TSNARE1: variants seen among roughly 807,000 people sequenced by gnomAD.
TSNARE1 encodes t-SNARE domain-containing protein 1.
A neutral mutation model predicts 62.0 loss-of-function variants in TSNARE1; 49 were observed. The observed-to-expected ratio is 0.79, with a 90% CI of 0.63 to 1.00. TSNARE1 has a LOEUF of 1.00. Ranked by LOEUF, TSNARE1 falls within the 50% of genes least tolerant of loss-of-function variation. The pLI, the probability that TSNARE1 is intolerant of heterozygous loss-of-function variation, is 0.00. For synonymous variants in TSNARE1, 328 were observed against 294.4 expected, an observed-to-expected ratio of 1.11 and a Z score of -1.17; for missense variants, 755 against 700.1, an observed-to-expected ratio of 1.08 and a Z score of -0.88.
intron 13 of TSNARE1, among the ~76,000 whole-genome samples, chr8:142,223,171 CAAGT>C (rs1399118462): frequency 3.0e-5 from 1 of 33,550 alleles, no homozygotes; most frequent in Non-Finnish European, 8.2e-5. Flanking sequence ...CTCACTCACT[CAAGT>C]ATTCACTCAT....
chr8:142,345,608 G>A, intron 3 of TSNARE1, 135 bp downstream of exon 3: 1 of 1,064,222 alleles, frequency 9.4e-7, no homozygotes, highest in Non-Finnish European at 1.3e-6. Context: ...GCAGGGGGCA[G>A]GGGATGCAGG....
rs1435524017 is a variant in TSNARE1 at position 142,400,999 on chromosome 8, T to C, written c.-40+2105A>G. ...ACCTGCAGACACTCACCACCCCTTT[T>C]CAGGACCGTGGAAGGATGCACCCAC... On this transcript the variant is annotated intron_variant, in intron 1 of 13. Transcript: ENST00000524325. Among the ~76,000 whole-genome samples the C allele has an allele frequency of 2.0e-5, 3 of 152,114 alleles. No homozygotes were observed. The East Asian group carries it at 5.8e-4, about 29-fold the overall frequency.
intron 1 of TSNARE1, among the ~76,000 whole-genome samples, chr8:142,397,708 A>AGGGC (rs1241207403): frequency 6.6e-6 from 1 of 152,074 alleles, no homozygotes; most frequent in Non-Finnish European, 1.5e-5. Context: ...CATGCTGGGG[A>AGGGC]GGGCTCGAGC....
At chr8:142,320,912 C>T (rs1463998712) in intron 6 of TSNARE1, among the ~76,000 whole-genome samples, 1 of 152,228 alleles carries the variant, frequency 6.6e-6, no homozygotes, top group Non-Finnish European at 1.5e-5. Flanking sequence ...AGTGCTGGAA[C>T]GAAGGCAGCC....
chr8:142,343,750 G>A (rs1215932226), intron 4 of TSNARE1, among the ~76,000 whole-genome samples: 2 of 97,822 alleles, frequency 2.0e-5, no homozygotes, highest in East Asian at 7.6e-4. Flanking sequence ...TGGTGATGGG[G>A]AGTGGGGGGA....
At chr8:142,388,537 C>CA (rs1409460059) in intron 1 of TSNARE1, among the ~76,000 whole-genome samples, 1 of 126,874 alleles carries the variant, frequency 7.9e-6, no homozygotes, top group Non-Finnish European at 1.7e-5. Context: ...AGTAAGTTAG[C>CA]AAAAAACAAA....
chr8:142,213,273 G>A (rs1279425881), intron 13 of TSNARE1, among the ~76,000 whole-genome samples: 1 of 124,120 alleles, frequency 8.1e-6, no homozygotes. Flanking sequence ...TTCCCTGCCA[G>A]GGAAATCCTG....
intron 9 of TSNARE1, among the ~76,000 whole-genome samples, chr8:142,312,232 T>C (rs1827718454): frequency 6.6e-6 from 1 of 152,220 alleles, no homozygotes; most frequent in African/African-American, 2.4e-5. Flanking sequence ...AACTTAGGGA[T>C]GCTCAACCTA....
At position 142,328,735 on chromosome 8, in the gene TSNARE1, G is replaced by A. The variant is rs1222752865; in HGVS notation, c.893+2166C>T. Among the ~76,000 whole-genome samples the A allele has an allele frequency of 2.6e-5, 4 of 151,904 alleles. No homozygotes were observed. In the East Asian group the frequency reaches 7.8e-4, roughly 29 times the overall value. On this transcript the variant is annotated intron_variant, in intron 6 of 13. Transcript: ENST00000524325. ...ATAGAGCCCAGACAGAAGTGCGTGA[G>A]CTGAGCTGCCACTGAGCCCCGCCCA...
intron 13 of TSNARE1, among the ~76,000 whole-genome samples, chr8:142,229,262 G>T (rs200994429): frequency 1.3e-5 from 2 of 151,728 alleles, no homozygotes; most frequent in East Asian, 4.0e-4. Context: ...ATGGATGGTG[G>T]ATGGGTGGAT....
intron 1 of TSNARE1, among the ~76,000 whole-genome samples, chr8:142,378,328 A>G (rs1021575670): frequency 5.3e-5 from 8 of 152,232 alleles, no homozygotes; most frequent in Non-Finnish European, 1.0e-4. Flanking sequence ...TAGAACAGGC[A>G]AAAGTCGCAT....
At chr8:142,247,197 G>T (rs1381005288) in intron 12 of TSNARE1, among the ~76,000 whole-genome samples, 1 of 152,138 alleles carries the variant, frequency 6.6e-6, no homozygotes, top group African/African-American at 2.4e-5. Flanking sequence ...ACCAGCCCTG[G>T]AGAGTTGCAG....
chr8:142,277,355 G>A (rs1014673550), intron 11 of TSNARE1: 16 of 985,398 alleles, frequency 1.6e-5, no homozygotes, highest in Non-Finnish European at 1.9e-5. Context: ...GAAACTGCCT[G>A]CCCAGTGCCC....
intron 2 of TSNARE1, among the ~76,000 whole-genome samples, chr8:142,352,625 G>A (rs1267419673): frequency 1.3e-5 from 2 of 152,262 alleles, no homozygotes; most frequent in African/African-American, 2.4e-5. Context: ...CCACAGCCAC[G>A]CGCAACGTGG....
At chr8:142,238,265 A>C (rs1817532695) in intron 12 of TSNARE1, among the ~76,000 whole-genome samples, 1 of 152,106 alleles carries the variant, frequency 6.6e-6, no homozygotes, top group South Asian at 2.1e-4. Flanking sequence ...CTCTGCAGGC[A>C]GCAACCCAGG....
At chr8:142,271,552 G>A in intron 12 of TSNARE1, 2 of 1,388,786 alleles carry the variant, frequency 1.4e-6, no homozygotes, top group Non-Finnish European at 1.9e-6. Context: ...TGGAGGCTGG[G>A]GAAGCAGGTG....
chr8:142,290,232 G>T (rs1823526267), intron 10 of TSNARE1, among the ~76,000 whole-genome samples: 1 of 152,104 alleles, frequency 6.6e-6, no homozygotes, highest in South Asian at 2.1e-4. Flanking sequence ...CTGCTCGAGG[G>T]GCTGGGACTG....
At position 142,346,560 on chromosome 8, in the gene TSNARE1, C is replaced by T. The variant is rs1357295950; in HGVS notation, c.89-668G>A. 6.6e-5 allele frequency among the ~76,000 whole-genome samples: 10 copies of T among 152,394 alleles called. No homozygotes were observed. In the East Asian group the frequency reaches 1.7e-3, roughly 26 times the overall value. On this transcript the variant is annotated intron_variant, in intron 2 of 13. Coordinates refer to ENST00000524325, the MANE Select transcript of TSNARE1 (RefSeq NM_145003.5). ...ATCTCCAGAACCACGATGTGCCTTT[C>T]GATCCACGGCACCCCAGAGTCACAG...
Position 142,291,488 on chromosome 8 carries a change from G to A in TSNARE1, c.1291-7003C>T, listed in dbSNP as rs1047672056. Among the ~76,000 whole-genome samples, 2 of 152,218 alleles carry A rather than the reference G, an allele frequency of 1.3e-5. No homozygotes were observed. The highest frequency in any genetic ancestry group is 2.4e-5 in the African/African-American group (1 of 41,564). On this transcript the variant is annotated intron_variant, in intron 10 of 13. Coordinates refer to ENST00000524325, the MANE Select transcript of TSNARE1 (RefSeq NM_145003.5). The surrounding 1 kb of genome is among the most constrained non-coding windows in gnomAD (Gnocchi z 4.8). The stretch of plus-strand genomic sequence containing the variant: ...ACACAGAGCCTCCATGGAGTCCCAG[G>A]ATAGAAACACACTCACCCAGCCCCC...
Sources: allele counts gnomAD v4.1 joint callset (sites outside exome capture counted in the v4.1 genomes callset), GRCh38; gene constraint gnomAD v4.1.1; non-coding constraint Gnocchi (gnomAD v3.1); transcripts MANE v1.5; gene names NCBI Gene and HGNC (gene_info 2026-07-23, HGNC 2026-07-21).